Variants in TTBK2 observed in about 807,000 individuals in gnomAD.
TTBK2 encodes tau-tubulin kinase 2.
TTBK2 carries 28 observed loss-of-function variants against 110.8 expected under a neutral mutation model. That is an observed-to-expected ratio of 0.25 (90% CI 0.19 to 0.35). The LOEUF (loss-of-function observed/expected upper bound fraction) is 0.35, where lower values mean the gene tolerates loss of function less well. Ranked by LOEUF, TTBK2 falls within the 10% of genes least tolerant of loss-of-function variation. The probability of loss-of-function intolerance (pLI) is 1.00; values close to 1 mark genes in which losing one functional copy is unlikely to be tolerated. For missense variants in TTBK2, 1,369 were observed against 1,500.3 expected (o/e 0.91, Z 1.45); for synonymous variants, 532 against 527.3 (o/e 1.01, Z -0.12).
chr15:42,793,473 T>G (rs1595915914), intron 10 of TTBK2, among the ~76,000 whole-genome samples: 1 of 152,092 alleles, frequency 6.6e-6, no homozygotes, highest in African/African-American at 2.4e-5. Flanking sequence ...CCCAGGAATT[T>G]GAGGCCATAG....
At chr15:42,886,424 G>A (rs983169575) in intron 1 of TTBK2, among the ~76,000 whole-genome samples, 1 of 152,268 alleles carries the variant, frequency 6.6e-6, no homozygotes, top group African/African-American at 2.4e-5. Context: ...TCCCAAATCA[G>A]TTAGCATTTA....
chr15:42,829,500 A>C (rs2140984415), intron 5 of TTBK2, among the ~76,000 whole-genome samples: 1 of 152,382 alleles, frequency 6.6e-6, no homozygotes, highest in East Asian at 1.9e-4. Flanking sequence ...GTAACTGGCA[A>C]TGTTAGCACA....
intron 3 of TTBK2, among the ~76,000 whole-genome samples, chr15:42,848,733 G>A (rs1471649435): frequency 6.6e-6 from 1 of 152,056 alleles, no homozygotes; most frequent in Non-Finnish European, 1.5e-5. Context: ...CAGGTGATCC[G>A]CCCACCTAAG....
chr15:42,880,383 C>T (rs745351046), intron 1 of TTBK2, among the ~76,000 whole-genome samples: 73 of 152,134 alleles, frequency 4.8e-4, no homozygotes, highest in Admixed American at 2.2e-3. Flanking sequence ...CCAGCAGTTT[C>T]TTTTCTTTTC....
At chr15:42,881,933 G>C (rs1895065460) in intron 1 of TTBK2, among the ~76,000 whole-genome samples, 1 of 152,042 alleles carries the variant, frequency 6.6e-6, no homozygotes, top group Non-Finnish European at 1.5e-5. Context: ...AAATTTCACT[G>C]GATGGGGTCA....
rs138900518 is a variant in TTBK2, at chr15:42,834,309, A to G, written c.292-4231T>C. On this transcript the variant is annotated intron_variant, in intron 4 of 14. Coordinates refer to ENST00000267890, the MANE Select transcript of TTBK2 (RefSeq NM_173500.4). Reference sequence around the variant, plus strand: ...GATATGAACCATGGCATAATTTCTCATTTTTTAAAATGTATTTCTTAAATC... The same window carrying G: ...GATATGAACCATGGCATAATTTCTCGTTTTTTAAAATGTATTTCTTAAATC... Among the ~76,000 whole-genome samples, 355 of 152,254 alleles carry G rather than the reference A, an allele frequency of 2.3e-3. 1 individual carries two copies. The highest frequency in any genetic ancestry group is 0.02 in the Middle Eastern group (6 of 294).
chr15:42,767,230 A>T (rs1357586944), intron 13 of TTBK2, among the ~76,000 whole-genome samples: 1 of 152,194 alleles, frequency 6.6e-6, no homozygotes, highest in Non-Finnish European at 1.5e-5. Flanking sequence ...AGAACTAGAG[A>T]AGCAAGAGCA....
chr15:42,761,451 C>A (rs949041005), intron 13 of TTBK2, among the ~76,000 whole-genome samples: 3 of 151,106 alleles, frequency 2.0e-5, no homozygotes, highest in Admixed American at 6.6e-5. Context: ...CAAAGGAAAA[C>A]CTTCTTCACA....
At chr15:42,815,908 TTAA>T (rs1891932213) in intron 7 of TTBK2, among the ~76,000 whole-genome samples, 1 of 98,214 alleles carries the variant, frequency 1.0e-5, no homozygotes, top group Non-Finnish European at 1.8e-5. Flanking sequence ...ATATATATAT[TTAA>T]AAATATATAT....
chr15:42,760,336 G>C (rs1279427662), intron 13 of TTBK2, among the ~76,000 whole-genome samples: 11 of 135,044 alleles, frequency 8.1e-5, no homozygotes, highest in Admixed American at 3.5e-4. Flanking sequence ...AGTGAGCTGA[G>C]ATCATGCCAC....
rs912948591 is a variant in TTBK2 at position 42,767,073 on chromosome 15, C to A, written c.1998+8062G>T. 7.2e-5 allele frequency among the ~76,000 whole-genome samples: 11 copies of A among 152,324 alleles called. No individual in the cohort carries two copies. In the South Asian group the frequency reaches 1.2e-3, roughly 17 times the overall value. ...AAATGAAGGAAGAAATAAAGATGTT[C>A]TTTGAAACCAGTGAGAACAAAGACA... On this transcript the variant is annotated intron_variant, in intron 13 of 14. Transcript: ENST00000267890.
chr15:42,743,792 A>G lies in TTBK2; in HGVS notation c.*2003T>C, dbSNP rs911730525. 1 of 152,168 alleles carries G rather than the reference A, an allele frequency of 6.6e-6. No individual in the cohort carries two copies. The highest frequency in any genetic ancestry group is 1.5e-5 in the Non-Finnish European group (1 of 68,006). 9.4% of individuals were successfully genotyped at this position (152,168 alleles called of 1,614,324 possible). A position where few individuals can be genotyped will look rare whatever the true frequency, so the allele number is the denominator to read the frequency against. On this transcript the variant is annotated 3_prime_UTR_variant, in exon 15 of 15. Coordinates refer to ENST00000267890, the MANE Select transcript of TTBK2 (RefSeq NM_173500.4). ...CTTGTTAAATACTGCCCACCCTTGC[A>G]TTGTACACAGGGAAGGCAAGAAGAC... is the stretch of plus-strand genomic sequence containing the variant.
chr15:42,768,847 C>G (rs1889515888), intron 13 of TTBK2, among the ~76,000 whole-genome samples: 1 of 152,196 alleles, frequency 6.6e-6, no homozygotes, highest in African/African-American at 2.4e-5. Context: ...ATCATACTAC[C>G]TGACTTCAAA....
chr15:42,890,528 G>T (rs753206409), intron 1 of TTBK2, among the ~76,000 whole-genome samples: 2 of 152,124 alleles, frequency 1.3e-5, no homozygotes, highest in Non-Finnish European at 2.9e-5. Context: ...CCTGAGTTCT[G>T]AGAGCCATTC....
intron 1 of TTBK2, among the ~76,000 whole-genome samples, chr15:42,916,804 T>G (rs533956482): frequency 6.5e-4 from 99 of 152,268 alleles, no homozygotes; most frequent in African/African-American, 2.3e-3. Context: ...AACAAGATGA[T>G]GGAAACTGCA....
At chr15:42,865,085 T>C (rs1894313073) in intron 3 of TTBK2, among the ~76,000 whole-genome samples, 2 of 152,136 alleles carry the variant, frequency 1.3e-5, no homozygotes, top group South Asian at 4.1e-4. Context: ...GGATTAGTTA[T>C]AAATCTGTAT....
intron 9 of TTBK2, chr15:42,802,509 T>G (rs1891267299): frequency 2.0e-6 from 1 of 495,994 alleles, no homozygotes; most frequent in Admixed American, 3.0e-5. Context: ...CTTGGGGATT[T>G]TAGCAACATT....
chr15:42,915,468 T>C (rs962804182), intron 1 of TTBK2, among the ~76,000 whole-genome samples: 2 of 152,252 alleles, frequency 1.3e-5, no homozygotes, highest in Admixed American at 1.3e-4. Context: ...TCCCTTACTA[T>C]GCTTAATTTA....
At chr15:42,887,999 C>T (rs574033583) in intron 1 of TTBK2, among the ~76,000 whole-genome samples, 2 of 152,166 alleles carry the variant, frequency 1.3e-5, no homozygotes, top group East Asian at 1.9e-4. Flanking sequence ...ATAACAACTC[C>T]TTTCCTTCCT....
Sources: allele counts gnomAD v4.1 joint callset (sites outside exome capture counted in the v4.1 genomes callset), GRCh38; gene constraint gnomAD v4.1.1; transcripts MANE v1.5; gene names NCBI Gene and HGNC (gene_info 2026-07-23, HGNC 2026-07-21).